The following RAP1GDS1 variants were observed in gnomAD, a reference collection of about 807,000 sequenced individuals.
RAP1GDS1 encodes Rap1 GTPase-GDP dissociation stimulator 1, also known as RAP1, GTP-GDP dissociation stimulator 1.
A neutral mutation model predicts 71.1 loss-of-function variants in RAP1GDS1; 35 were observed. The ratio of observed to expected loss-of-function variants is 0.49; its 90% confidence interval spans 0.38 to 0.65. The LOEUF (loss-of-function observed/expected upper bound fraction) is 0.65. Among genes scored for constraint, RAP1GDS1 ranks in the 30% least tolerant of loss-of-function variants. The pLI is 0.00. For synonymous variants in RAP1GDS1, 229 were observed against 243.1 expected (o/e 0.94, Z 0.54); for missense variants, 663 against 706.1 (o/e 0.94, Z 0.69).
chr4:98,343,116 C>T (rs768177677), intron 2 of RAP1GDS1, 23 bp from the exon 3 acceptor site: 16 of 1,577,298 alleles, frequency 1.0e-5, no homozygotes, highest in Admixed American at 1.9e-5. Flanking sequence ...TTCACTGAAG[C>T]TCTTTGTATG....
chr4:98,418,511 T>C, intron 9 of RAP1GDS1, 146 bp from the exon 10 acceptor site: 1 of 809,208 alleles, frequency 1.2e-6, no homozygotes. Context: ...CAGAAAAACC[T>C]ATAAATCTGA....
intron 2 of RAP1GDS1, among the ~76,000 whole-genome samples, chr4:98,314,760 A>G (rs879594414): frequency 2.0e-5 from 3 of 152,236 alleles, no homozygotes; most frequent in Non-Finnish European, 1.5e-5. Flanking sequence ...GCTGATTACG[A>G]AGTGTTGTAG....
At chr4:98,433,601 G>C (rs573965575) in intron 12 of RAP1GDS1, among the ~76,000 whole-genome samples, 1 of 152,220 alleles carries the variant, frequency 6.6e-6, no homozygotes, top group South Asian at 2.1e-4. Context: ...TAAATTCCAA[G>C]TTTTATTCTT....
chr4:98,300,264 G>T (rs79549117), intron 2 of RAP1GDS1, among the ~76,000 whole-genome samples: 10,041 of 152,236 alleles, frequency 0.066, 371 homozygotes, highest in Admixed American at 0.13. Context: ...GCAGCAAAAA[G>T]TTATGACTTA....
At position 98,398,531 on chromosome 4, in the gene RAP1GDS1, A is replaced by T. The variant is rs77437259; in HGVS notation, c.638-5946A>T. On this transcript the variant is annotated intron_variant, in intron 6 of 14. Transcript: ENST00000408927. ...ATGAGTCCGTGGACATATGTCTCAA[A>T]ACAACATTGGCAGCCAGAAGAAAAT... Among the ~76,000 whole-genome samples, 1,384 of 152,294 alleles carry T rather than the reference A, an allele frequency of 9.1e-3. 22 individuals carry two copies. The highest frequency in any genetic ancestry group is 0.032 in the African/African-American group (1,314 of 41,542).
chr4:98,269,302 T>C (rs964314025), intron 1 of RAP1GDS1, among the ~76,000 whole-genome samples: 3 of 151,594 alleles, frequency 2.0e-5, no homozygotes, highest in East Asian at 1.9e-4. Flanking sequence ...TCATCCCATA[T>C]ACAAAAATCA....
intron 4 of RAP1GDS1, 112 bp downstream of exon 4, chr4:98,352,713 C>G: frequency 8.6e-7 from 1 of 1,162,730 alleles, no homozygotes; most frequent in Non-Finnish European, 1.2e-6. Context: ...TAACATGGGC[C>G]GGCATGATTC....
chr4:98,399,271 AAG>A (rs766582982), intron 6 of RAP1GDS1, among the ~76,000 whole-genome samples: 5 of 152,194 alleles, frequency 3.3e-5, no homozygotes, highest in African/African-American at 4.8e-5. Context: ...ACAGAGTGAA[AAG>A]AGAGGCTACA....
intron 1 of RAP1GDS1, among the ~76,000 whole-genome samples, chr4:98,277,524 C>G (rs1032209628): frequency 3.9e-5 from 6 of 152,072 alleles, no homozygotes; most frequent in African/African-American, 1.4e-4. Context: ...ATCTTTGATT[C>G]TGTTATTATA....
At chr4:98,365,792 G>A (rs1739401988) in intron 4 of RAP1GDS1, among the ~76,000 whole-genome samples, 1 of 151,674 alleles carries the variant, frequency 6.6e-6, no homozygotes, top group South Asian at 2.1e-4. Context: ...ATCTCTATTG[G>A]CACAGCAAAG....
At chr4:98,416,301 A>T (rs964173438) in intron 7 of RAP1GDS1, among the ~76,000 whole-genome samples, 46 of 150,922 alleles carry the variant, frequency 3.0e-4, no homozygotes, top group African/African-American at 1.1e-3. Context: ...TTTGAGTTTC[A>T]AAAATGTATT....
At chr4:98,377,430 G>A (rs915620564) in intron 4 of RAP1GDS1, among the ~76,000 whole-genome samples, 1 of 151,744 alleles carries the variant, frequency 6.6e-6, no homozygotes, top group Non-Finnish European at 1.5e-5. Context: ...TTCTTGGCTG[G>A]TTCATCTAGC....
At chr4:98,280,926 G>C (rs1724986610) in intron 1 of RAP1GDS1, among the ~76,000 whole-genome samples, 1 of 152,148 alleles carries the variant, frequency 6.6e-6, no homozygotes, top group African/African-American at 2.4e-5. Context: ...TTGTAGATGT[G>C]TGGTGTTATT....
chr4:98,345,365 G>A (rs1736075974), intron 3 of RAP1GDS1, among the ~76,000 whole-genome samples: 1 of 152,078 alleles, frequency 6.6e-6, no homozygotes, highest in Non-Finnish European at 1.5e-5. Context: ...GTTTTTGTAC[G>A]CACAAAAAGA....
intron 1 of RAP1GDS1, among the ~76,000 whole-genome samples, chr4:98,275,882 T>C (rs1165919495): frequency 6.6e-6 from 1 of 152,056 alleles, no homozygotes; most frequent in Non-Finnish European, 1.5e-5. Flanking sequence ...GTTTAGGCCC[T>C]TATTACCTCT....
chr4:98,338,003 G>A (rs28446845), intron 2 of RAP1GDS1, among the ~76,000 whole-genome samples: 7,172 of 152,168 alleles, frequency 0.047, 408 homozygotes, highest in African/African-American at 0.14. Context: ...GATGAAAGAT[G>A]CGGACAGGGC....
intron 2 of RAP1GDS1, among the ~76,000 whole-genome samples, chr4:98,326,809 TTTGGTCTC>T: frequency 1.3e-5 from 2 of 152,268 alleles, no homozygotes; most frequent in South Asian, 4.1e-4. Flanking sequence ...CCATGGTGAT[TTTGGTCTC>T]TTTTTCTTTT....
At chr4:98,393,205 C>G (rs942146680) in intron 6 of RAP1GDS1, among the ~76,000 whole-genome samples, 1 of 152,160 alleles carries the variant, frequency 6.6e-6, no homozygotes, top group African/African-American at 2.4e-5. Context: ...GTTTTTCTAA[C>G]TGAAAGCTCA....
chr4:98,370,470 A>G (rs1447349668), intron 4 of RAP1GDS1, among the ~76,000 whole-genome samples: 1 of 152,066 alleles, frequency 6.6e-6, no homozygotes, highest in Non-Finnish European at 1.5e-5. Flanking sequence ...AGTTTTATAT[A>G]AACCTCCTTT....
Sources: gnomAD v4.1 joint callset for allele counts (sites outside exome capture counted in the v4.1 genomes callset) on GRCh38, gnomAD v4.1.1 for gene constraint, MANE v1.5 for transcripts, NCBI Gene and HGNC (gene_info 2026-07-23, HGNC 2026-07-21) for gene names.